Variants in LRRC4C observed in about 807,000 individuals in gnomAD.
The protein encoded by LRRC4C is leucine-rich repeat-containing protein 4C.
A neutral mutation model predicts 33.6 loss-of-function variants in LRRC4C; 5 were observed. The ratio of observed to expected loss-of-function variants is 0.15; its 90% CI spans 0.08 to 0.31. The LOEUF (loss-of-function observed/expected upper bound fraction) is 0.31. Among genes scored for constraint, LRRC4C ranks in the 10% least tolerant of loss-of-function variants. The probability of loss-of-function intolerance (pLI) is 1.00; values close to 1 mark genes in which losing one functional copy is unlikely to be tolerated. For missense variants in LRRC4C, 560 were observed against 796.7 expected, an observed-to-expected ratio of 0.70 and a Z score of 3.58; for synonymous variants, 329 against 302.0, an observed-to-expected ratio of 1.09 and a Z score of -0.93.
intron 4 of LRRC4C, among the ~76,000 whole-genome samples, chr11:40,291,413 G>A (rs1337407450): frequency 6.6e-6 from 1 of 152,068 alleles, no homozygotes; most frequent in African/African-American, 2.4e-5. Context: ...CTTTTTCTGA[G>A]GAGCTGTGAA....
chr11:41,299,735 A>C (rs537257046), intron 1 of LRRC4C, among the ~76,000 whole-genome samples: 3 of 152,250 alleles, frequency 2.0e-5, no homozygotes, highest in African/African-American at 7.2e-5. Context: ...CAAATAATCC[A>C]ATGCTATTTA....
intron 3 of LRRC4C, among the ~76,000 whole-genome samples, chr11:40,482,667 G>A (rs542339672): frequency 3.3e-5 from 5 of 151,906 alleles, no homozygotes; most frequent in Non-Finnish European, 7.4e-5. Flanking sequence ...ATGGGGTTTT[G>A]CTGTGTTGCC....
chr11:41,318,257 T>C (rs1450377779), intron 1 of LRRC4C, among the ~76,000 whole-genome samples: 1 of 151,766 alleles, frequency 6.6e-6, no homozygotes, highest in African/African-American at 2.4e-5. Flanking sequence ...GATGTAACTA[T>C]TTTCTTCTCT....
chr11:40,565,426 C>A (rs1385494528), intron 3 of LRRC4C, among the ~76,000 whole-genome samples: 1 of 152,230 alleles, frequency 6.6e-6, no homozygotes, highest in Non-Finnish European at 1.5e-5. Flanking sequence ...CCCAAAGCTG[C>A]TCCCACTCAG....
At chr11:41,440,645 A>T (rs1190161615) in intron 1 of LRRC4C, among the ~76,000 whole-genome samples, 1 of 151,886 alleles carries the variant, frequency 6.6e-6, no homozygotes, top group African/African-American at 2.4e-5. Flanking sequence ...CCGAAATCTC[A>T]TCTCAAATTG....
rs78374170 is a variant in LRRC4C at position 41,124,226 on chromosome 11, T to C, written c.-495-190503A>G. Reference sequence around the variant, plus strand: ...TACCAGATAGAGAAGTTAGGTATTATTAGCATCAATTTAGAAATGAAGAAA... The same window carrying C: ...TACCAGATAGAGAAGTTAGGTATTACTAGCATCAATTTAGAAATGAAGAAA... On this transcript the variant is annotated intron_variant, in intron 1 of 6. Transcript: ENST00000528697. Among the ~76,000 whole-genome samples the C allele has an allele frequency of 2.7e-3, 417 of 152,290 alleles. 1 individual carries two copies. Among genetic ancestry groups the C allele is most frequent in the Admixed American group, 8.0e-3 (122 of 15,298 alleles).
rs1940048482 is a variant in LRRC4C, at chr11:41,087,048, G to C, written c.-495-153325C>G. On this transcript the variant is annotated intron_variant, in intron 1 of 6. Transcript: ENST00000528697. ...TCCTGCACCAGAAGAATGTGTCCTG[G>C]AATTGTAAACATGAACATGGAATAA... Among the ~76,000 whole-genome samples, 4 of 152,056 alleles carry C rather than the reference G, an allele frequency of 2.6e-5. No individual in the cohort carries two copies. In the South Asian group the frequency reaches 8.3e-4, roughly 32 times the overall value.
chr11:40,841,250 T>C (rs576053984), intron 2 of LRRC4C, among the ~76,000 whole-genome samples: 70 of 152,302 alleles, frequency 4.6e-4, no homozygotes, highest in African/African-American at 1.6e-3. Flanking sequence ...AAACTCAAGA[T>C]TCATGGTTCA....
chr11:41,447,188 T>C (rs1227871396), intron 1 of LRRC4C, among the ~76,000 whole-genome samples: 2 of 152,190 alleles, frequency 1.3e-5, no homozygotes, highest in Non-Finnish European at 2.9e-5. Context: ...TTATTAGCTG[T>C]ATTATCTTTG....
At chr11:40,149,268 G>A (rs1210175290) in intron 5 of LRRC4C, among the ~76,000 whole-genome samples, 1 of 152,104 alleles carries the variant, frequency 6.6e-6, no homozygotes, top group Admixed American at 6.6e-5. Flanking sequence ...TCTATAAATT[G>A]CCTTGGGCAG....
rs900654676 is a variant in LRRC4C at position 40,178,097 on chromosome 11, T to C, written c.-95-37244A>G. Among the ~76,000 whole-genome samples, 8 of 152,334 alleles carry C rather than the reference T, an allele frequency of 5.3e-5. No individual in the cohort carries two copies. The South Asian group carries it at 6.2e-4, about 12-fold the overall frequency. On this transcript the variant is annotated intron_variant, in intron 5 of 6. Transcript: ENST00000528697. ...ATCAGCTTTTATGTTAGTATTTTAT[T>C]ACTGATGTCAATAGCATGAGTCAAA...
intron 6 of LRRC4C, among the ~76,000 whole-genome samples, chr11:40,138,784 A>C (rs1857161324): frequency 6.6e-6 from 1 of 152,226 alleles, no homozygotes; most frequent in South Asian, 2.1e-4. Context: ...TGGGATCAGC[A>C]CAGTGTTTTT....
intron 1 of LRRC4C, among the ~76,000 whole-genome samples, chr11:40,969,927 G>T (rs1360102999): frequency 6.6e-6 from 1 of 152,104 alleles, no homozygotes. Context: ...TGGGCGGTGG[G>T]TCATTGCTTT....
chr11:41,442,458 C>CTTTTTTTTTT (rs775679545), intron 1 of LRRC4C, among the ~76,000 whole-genome samples: 40 of 84,054 alleles, frequency 4.8e-4, no homozygotes, highest in East Asian at 1.0e-3. Flanking sequence ...TTGCTTTTTT[C>CTTTTTTTTTT]TTTTTTTTTT....
intron 4 of LRRC4C, among the ~76,000 whole-genome samples, chr11:40,315,509 G>T (rs1820141644): frequency 6.6e-6 from 1 of 151,564 alleles, no homozygotes; most frequent in Non-Finnish European, 1.5e-5. Context: ...CTTATAATCA[G>T]AAATTTAAAA....
intron 2 of LRRC4C, among the ~76,000 whole-genome samples, chr11:40,904,002 C>T (rs112315902): frequency 4.6e-5 from 7 of 152,032 alleles, no homozygotes; most frequent in African/African-American, 1.7e-4. Flanking sequence ...GCAAAAATGA[C>T]TGAAGTACCA....
At chr11:41,050,575 G>T (rs1168729057) in intron 1 of LRRC4C, among the ~76,000 whole-genome samples, 2 of 152,088 alleles carry the variant, frequency 1.3e-5, no homozygotes, top group Non-Finnish European at 2.9e-5. Flanking sequence ...AGTTTGCTGA[G>T]AATGATGGTT....
At chr11:40,726,808 G>C (rs1199059895) in intron 2 of LRRC4C, among the ~76,000 whole-genome samples, 1 of 152,002 alleles carries the variant, frequency 6.6e-6, no homozygotes, top group Non-Finnish European at 1.5e-5. Flanking sequence ...GAAAAAAAAA[G>C]TCAAATTATC....
chr11:40,661,100 C>T (rs1319216284), intron 2 of LRRC4C, among the ~76,000 whole-genome samples: 1 of 152,044 alleles, frequency 6.6e-6, no homozygotes, highest in Non-Finnish European at 1.5e-5. Context: ...ATTACCATGA[C>T]AATATCCTAT....
Sources: allele counts gnomAD v4.1 joint callset (sites outside exome capture counted in the v4.1 genomes callset), GRCh38; gene constraint gnomAD v4.1.1; transcripts MANE v1.5; gene names NCBI Gene and HGNC (gene_info 2026-07-23, HGNC 2026-07-21).